ACVR2A: variants seen among roughly 807,000 people sequenced by gnomAD.
ACVR2A encodes activin receptor type-2A.
ACVR2A carries 7 observed loss-of-function variants against 61.4 expected under a neutral mutation model. The observed-to-expected ratio is 0.11, with a 90% confidence interval of 0.06 to 0.21. ACVR2A has a LOEUF of 0.21. Ranked by LOEUF, ACVR2A falls within the 10% of genes least tolerant of loss-of-function variation. The pLI is 1.00. For synonymous variants in ACVR2A, 193 were observed against 208.3 expected, an observed-to-expected ratio of 0.93 and a Z score of 0.63; for missense variants, 322 against 621.7, an observed-to-expected ratio of 0.52 and a Z score of 5.13.
intron 1 of ACVR2A, among the ~76,000 whole-genome samples, chr2:147,873,224 A>G (rs1440741108): frequency 1.3e-5 from 2 of 151,962 alleles, no homozygotes; most frequent in East Asian, 3.9e-4. Flanking sequence ...GTGGTGCTAC[A>G]AAAGAAATGC....
intron 4 of ACVR2A, among the ~76,000 whole-genome samples, chr2:147,906,212 A>G (rs1227552394): frequency 2.0e-5 from 3 of 152,070 alleles, no homozygotes; most frequent in Admixed American, 6.6e-5. Context: ...GATAATAGAA[A>G]TGAAAAACGT....
intron 1 of ACVR2A, among the ~76,000 whole-genome samples, chr2:147,882,676 T>G (rs1365940040): frequency 6.6e-6 from 1 of 152,226 alleles, no homozygotes; most frequent in East Asian, 1.9e-4. Context: ...CATATAATGT[T>G]TATATTTTTA....
intron 1 of ACVR2A, among the ~76,000 whole-genome samples, chr2:147,887,363 A>T (rs1242343164): frequency 6.6e-6 from 1 of 152,222 alleles, no homozygotes. Context: ...TTGTCAATTT[A>T]CCAAATATTA....
At chr2:147,874,276 A>C (rs571367096) in intron 1 of ACVR2A, among the ~76,000 whole-genome samples, 8 of 151,998 alleles carry the variant, frequency 5.3e-5, no homozygotes, top group South Asian at 4.1e-4. Context: ...TTCATCCATA[A>C]AATGGGCAGA....
At chr2:147,871,846 T>G (rs1686027417) in intron 1 of ACVR2A, among the ~76,000 whole-genome samples, 1 of 152,132 alleles carries the variant, frequency 6.6e-6, no homozygotes, top group African/African-American at 2.4e-5. Context: ...CGACATCTTG[T>G]TAATTTTTCT....
At chr2:147,858,840 C>T (rs1006267214) in intron 1 of ACVR2A, among the ~76,000 whole-genome samples, 1 of 152,006 alleles carries the variant, frequency 6.6e-6, no homozygotes, top group African/African-American at 2.4e-5. Context: ...TATTTGTGGG[C>T]ACTGAAATTT....
chr2:147,920,189 A>G (rs746263587), intron 7 of ACVR2A, 41 bp from the exon 8 acceptor site: 1 of 1,359,386 alleles, frequency 7.4e-7, no homozygotes. Context: ...TAAAAAGGTA[A>G]CTAGTTTAAA....
chr2:147,850,632 T>C (rs1685419359), intron 1 of ACVR2A, among the ~76,000 whole-genome samples: 1 of 151,862 alleles, frequency 6.6e-6, no homozygotes, highest in Non-Finnish European at 1.5e-5. Context: ...GATTGTAAAA[T>C]AGTCATGTCT....
intron 1 of ACVR2A, among the ~76,000 whole-genome samples, chr2:147,864,284 C>T (rs1450567936): frequency 6.6e-6 from 1 of 152,136 alleles, no homozygotes; most frequent in Non-Finnish European, 1.5e-5. Context: ...GGCTGGAGTG[C>T]AGTGGCGCGA....
chr2:147,859,874 C>T (rs567468461), intron 1 of ACVR2A, among the ~76,000 whole-genome samples: 22 of 151,226 alleles, frequency 1.5e-4, no homozygotes, highest in Admixed American at 5.3e-4. Context: ...CAGAAGCTCA[C>T]CAGAAGCTCA....
At chr2:147,913,238 CT>C in intron 4 of ACVR2A, among the ~76,000 whole-genome samples, 1 of 151,426 alleles carries the variant, frequency 6.6e-6, no homozygotes, top group Non-Finnish European at 1.5e-5. Context: ...TGTTGATGTC[CT>C]TTAGAACAGA....
intron 1 of ACVR2A, among the ~76,000 whole-genome samples, chr2:147,878,022 G>T (rs746805184): frequency 1.3e-5 from 2 of 152,140 alleles, no homozygotes; most frequent in Non-Finnish European, 2.9e-5. Context: ...GTTGCCTGTA[G>T]TATGTGATTT....
At chr2:147,877,751 A>G (rs1206435896) in intron 1 of ACVR2A, among the ~76,000 whole-genome samples, 1 of 152,198 alleles carries the variant, frequency 6.6e-6, no homozygotes, top group Non-Finnish European at 1.5e-5. Flanking sequence ...TGAAAGTTAT[A>G]TTAGTGAAAT....
chr2:147,905,243 C>T (rs1266148951), intron 4 of ACVR2A, among the ~76,000 whole-genome samples: 1 of 151,762 alleles, frequency 6.6e-6, no homozygotes, highest in Non-Finnish European at 1.5e-5. Flanking sequence ...TAAACTATTC[C>T]ACAACTGGCT....
In ACVR2A at chr2:147,929,096, GGAAAA is replaced by G. The variant is rs897153762; in HGVS notation, c.*1826_*1830del. The G allele has an allele frequency of 6.6e-6, 1 of 152,350 alleles. No homozygotes were observed. Among genetic ancestry groups the G allele is most frequent in the African/African-American group, 2.4e-5 (1 of 41,396 alleles). 9.4% of individuals were successfully genotyped at this position (152,350 alleles called of 1,614,324 possible). A position where few individuals can be genotyped will look rare whatever the true frequency, so the allele number is the denominator to read the frequency against. On this transcript the variant is annotated 3_prime_UTR_variant, in exon 11 of 11. Coordinates refer to ENST00000241416, the MANE Select transcript of ACVR2A (RefSeq NM_001616.5). ...TAGGTCAACAGACTTTAAGCAGGGA[GGAAAA>G]GAAGAGTAATAGCGTCTGTGTGCTG...
intron 3 of ACVR2A, 76 bp from the exon 4 acceptor site, chr2:147,899,667 AT>A: frequency 6.3e-7 from 1 of 1,588,876 alleles, no homozygotes; most frequent in Non-Finnish European, 8.6e-7. Flanking sequence ...CTTCCCCAAA[AT>A]TTGAGACTAT....
chr2:147,852,778 A>G (rs192707014), intron 1 of ACVR2A, among the ~76,000 whole-genome samples: 83 of 152,228 alleles, frequency 5.5e-4, no homozygotes, highest in Middle Eastern at 6.8e-3. Flanking sequence ...GGATGTTAAT[A>G]TGAAGGAAAA....
At chr2:147,883,496 A>G (rs987673769) in intron 1 of ACVR2A, among the ~76,000 whole-genome samples, 5 of 152,062 alleles carry the variant, frequency 3.3e-5, no homozygotes, top group African/African-American at 1.2e-4. Flanking sequence ...TGGCAAAATG[A>G]GTTTTCAAGT....
chr2:147,858,232 A>G (rs1341136857), intron 1 of ACVR2A, among the ~76,000 whole-genome samples: 3 of 152,208 alleles, frequency 2.0e-5, no homozygotes, highest in African/African-American at 7.2e-5. Context: ...TTGAAATGCT[A>G]TGCCAAATAT....
Sources: allele counts gnomAD v4.1 joint callset (sites outside exome capture counted in the v4.1 genomes callset), GRCh38; gene constraint gnomAD v4.1.1; transcripts MANE v1.5; gene names NCBI Gene and HGNC (gene_info 2026-07-23, HGNC 2026-07-21).